The following NUBPL variants were observed in gnomAD, a reference collection of about 807,000 sequenced individuals.
NUBPL encodes iron-sulfur cluster transfer protein NUBPL.
Under a neutral mutation model 45.7 loss-of-function variants are expected in NUBPL, and 31 were observed. The ratio of observed to expected loss-of-function variants is 0.68; its 90% CI spans 0.51 to 0.92. The LOEUF is 0.92. NUBPL is among the 40% of genes least tolerant of loss of function. NUBPL has a pLI of 0.00. For missense variants in NUBPL, 401 were observed against 398.7 expected (o/e 1.01, Z -0.05); for synonymous variants, 144 against 140.9 (o/e 1.02, Z -0.15).
chr14:31,653,580 C>T (rs1481280164), intron 4 of NUBPL, among the ~76,000 whole-genome samples: 1 of 152,156 alleles, frequency 6.6e-6, no homozygotes, highest in Non-Finnish European at 1.5e-5. Context: ...TTTCCTTGTT[C>T]CCTGAAAATC....
chr14:31,787,371 G>A (rs1341991304), intron 6 of NUBPL, among the ~76,000 whole-genome samples: 3 of 151,762 alleles, frequency 2.0e-5, no homozygotes, highest in Non-Finnish European at 4.4e-5. Flanking sequence ...TTTTTGTGAA[G>A]GAAATATAAT....
intron 4 of NUBPL, among the ~76,000 whole-genome samples, chr14:31,630,836 G>T (rs901706962): frequency 6.6e-6 from 1 of 152,108 alleles, no homozygotes; most frequent in African/African-American, 2.4e-5. Context: ...CAATCTCTGG[G>T]AATTATACAG....
At chr14:31,702,756 C>A (rs1231283876) in intron 6 of NUBPL, among the ~76,000 whole-genome samples, 1 of 152,102 alleles carries the variant, frequency 6.6e-6, no homozygotes, top group Non-Finnish European at 1.5e-5. Context: ...TCTGTTATAC[C>A]CCACATTCCT....
chr14:31,680,320 A>G (rs966569838), intron 6 of NUBPL, among the ~76,000 whole-genome samples: 11 of 152,100 alleles, frequency 7.2e-5, no homozygotes, highest in Admixed American at 2.0e-4. Flanking sequence ...TTTGGTGGGG[A>G]AGAACATTAA....
intron 3 of NUBPL, among the ~76,000 whole-genome samples, chr14:31,565,904 A>G (rs943522029): frequency 6.6e-6 from 1 of 152,060 alleles, no homozygotes; most frequent in African/African-American, 2.4e-5. Flanking sequence ...GGGAGTATCA[A>G]TTTTTCATAG....
In NUBPL at chr14:31,699,512, G is replaced by C. The variant is rs1352136829; in HGVS notation, c.513+25938G>C. Reference sequence around the variant, plus strand: ...AATGAGGTTAAATAACTTGGGCAGGGTCCTACTTGTAATCTCTCTGATTCT... The same window carrying C: ...AATGAGGTTAAATAACTTGGGCAGGCTCCTACTTGTAATCTCTCTGATTCT... On this transcript the variant is annotated intron_variant, in intron 6 of 10. Transcript: ENST00000281081. Among the ~76,000 whole-genome samples the C allele has an allele frequency of 1.3e-5, 2 of 152,268 alleles. 1 individual carries two copies. Among genetic ancestry groups the C allele is most frequent in the South Asian group, 4.1e-4 (2 of 4,820 alleles).
intron 8 of NUBPL, among the ~76,000 whole-genome samples, chr14:31,838,157 C>T (rs1390705910): frequency 6.6e-6 from 1 of 151,936 alleles, no homozygotes; most frequent in Non-Finnish European, 1.5e-5. Flanking sequence ...ACCAAAGATC[C>T]AGGCTGTGGA....
chr14:31,647,443 C>T (rs1178672119), intron 4 of NUBPL, among the ~76,000 whole-genome samples: 1 of 152,190 alleles, frequency 6.6e-6, no homozygotes, highest in African/African-American at 2.4e-5. Flanking sequence ...CCCAGGTTTG[C>T]CTGAGCTCTA....
At chr14:31,679,814 A>G (rs1049701643) in intron 6 of NUBPL, among the ~76,000 whole-genome samples, 3 of 152,172 alleles carry the variant, frequency 2.0e-5, no homozygotes, top group African/African-American at 7.2e-5. Context: ...ATGATATTCA[A>G]TATATAGAAC....
intron 6 of NUBPL, among the ~76,000 whole-genome samples, chr14:31,784,663 G>C (rs74043623): frequency 1.3e-5 from 2 of 151,868 alleles, no homozygotes; most frequent in Non-Finnish European, 2.9e-5. Context: ...GGAGGTCATG[G>C]GTAGTCTCGG....
At chr14:31,756,831 G>A (rs2038676805) in intron 6 of NUBPL, among the ~76,000 whole-genome samples, 1 of 151,758 alleles carries the variant, frequency 6.6e-6, no homozygotes, top group South Asian at 2.1e-4. Flanking sequence ...GATATTGGCT[G>A]TGGGTTTGTC....
intron 4 of NUBPL, among the ~76,000 whole-genome samples, chr14:31,622,789 C>G (rs1451462839): frequency 2.0e-5 from 3 of 152,250 alleles, no homozygotes; most frequent in Non-Finnish European, 4.4e-5. Context: ...AGGCAGAAGT[C>G]TGCTGCAGGG....
intron 6 of NUBPL, among the ~76,000 whole-genome samples, chr14:31,688,421 C>G (rs1363173111): frequency 1.3e-5 from 2 of 151,616 alleles, no homozygotes; most frequent in South Asian, 2.1e-4. Context: ...ACTAAAAATA[C>G]AAAAAGTTAG....
chr14:31,768,730 A>G (rs1224221702), intron 6 of NUBPL, among the ~76,000 whole-genome samples: 1 of 152,204 alleles, frequency 6.6e-6, no homozygotes, highest in Non-Finnish European at 1.5e-5. Flanking sequence ...ACCTTCAACC[A>G]AAGAGTGAGA....
At chr14:31,626,359 C>T (rs947953721) in intron 4 of NUBPL, among the ~76,000 whole-genome samples, 8 of 151,974 alleles carry the variant, frequency 5.3e-5, no homozygotes, top group Non-Finnish European at 8.8e-5. Flanking sequence ...AGGCTGGTCT[C>T]GAACTCCTGA....
rs557357477 is a variant in NUBPL, at chr14:31,574,351, G to A, written c.291+9303G>A. ...ACGATCTCGGCTCACTGTAACCTCT[G>A]TCTCCCGGGTTCAGGGGATTCTCGT... On this transcript the variant is annotated intron_variant, in intron 3 of 10. Coordinates refer to ENST00000281081, the MANE Select transcript of NUBPL (RefSeq NM_025152.3). Among the ~76,000 whole-genome samples the A allele has an allele frequency of 2.3e-4, 34 of 151,028 alleles. 1 individual carries two copies.
intron 4 of NUBPL, among the ~76,000 whole-genome samples, chr14:31,669,798 T>TTTTTTA (rs2036527621): frequency 5.7e-5 from 1 of 17,524 alleles, no homozygotes; most frequent in African/African-American, 1.9e-4. Context: ...ATGATCTTGG[T>TTTTTTA]TTTTTTTTTT....
intron 3 of NUBPL, among the ~76,000 whole-genome samples, chr14:31,571,075 G>A (rs1003680782): frequency 3.3e-5 from 5 of 152,106 alleles, no homozygotes; most frequent in Non-Finnish European, 5.9e-5. Context: ...GCTAATCTGG[G>A]TTACTTGCCA....
chr14:31,734,706 A>G (rs2038127651), intron 6 of NUBPL, among the ~76,000 whole-genome samples: 1 of 151,970 alleles, frequency 6.6e-6, no homozygotes, highest in South Asian at 2.1e-4. Context: ...TTTCCCCTAC[A>G]TAAATAAGTA....
Sources: gnomAD v4.1 joint callset for allele counts (sites outside exome capture counted in the v4.1 genomes callset) on GRCh38, gnomAD v4.1.1 for gene constraint, MANE v1.5 for transcripts, NCBI Gene and HGNC (gene_info 2026-07-23, HGNC 2026-07-21) for gene names.